Variants in LRRFIP1 observed in about 807,000 individuals in gnomAD.
The protein encoded by LRRFIP1 is leucine-rich repeat flightless-interacting protein 1.
A neutral mutation model predicts 104.4 loss-of-function variants in LRRFIP1; 62 were observed. The ratio of observed to expected loss-of-function variants is 0.59; its 90% CI spans 0.48 to 0.73. The LOEUF (loss-of-function observed/expected upper bound fraction) is 0.73, where lower values mean the gene tolerates loss of function less well. LRRFIP1 is among the 30% of genes least tolerant of loss of function. The pLI is 0.00. For missense variants in LRRFIP1, 796 were observed against 824.5 expected, an observed-to-expected ratio of 0.97 and a Z score of 0.42; for synonymous variants, 300 against 299.0, an observed-to-expected ratio of 1.00 and a Z score of -0.03.
At position 237,663,673 on chromosome 2, in the gene LRRFIP1, C is replaced by CT. The variant is rs568342272; in HGVS notation, c.96+35934dup. On this transcript the variant is annotated intron_variant, in intron 1 of 23. Transcript: ENST00000308482. ...GGCACATGGAATGACTTCCGGGCCT[C>CT]TGACAGGGTGCTTGGGGAGGATGGT... Among the ~76,000 whole-genome samples, 49 of 152,380 alleles carry CT rather than the reference C, an allele frequency of 3.2e-4. 1 individual carries two copies. Among genetic ancestry groups the CT allele is most frequent in the African/African-American group, 1.2e-3 (48 of 41,594 alleles).
At chr2:237,765,906 A>AC in intron 19 of LRRFIP1, 1 of 985,134 alleles carries the variant, frequency 1.0e-6, no homozygotes, top group Middle Eastern at 5.2e-4. Flanking sequence ...AACATTTTAT[A>AC]ATTGTGCAAG....
chr2:237,744,493 CATCGTGTG>C (rs1447485845), intron 11 of LRRFIP1, among the ~76,000 whole-genome samples: 6 of 152,184 alleles, frequency 3.9e-5, no homozygotes, highest in African/African-American at 1.2e-4. Context: ...CCTCACCAGG[CATCGTGTG>C]TACAGGAGCC....
chr2:237,681,675 A>ATTTTTTTTTTTTTTTT (rs1359912875), intron 1 of LRRFIP1, among the ~76,000 whole-genome samples: 13 of 54,608 alleles, frequency 2.4e-4, no homozygotes, highest in Admixed American at 7.1e-4. Flanking sequence ...CCGCAGTCCT[A>ATTTTTTTTTTTTTTTT]TTCTTTTTTT....
At chr2:237,757,377 G>A in intron 16 of LRRFIP1, 79 bp from the exon 17 acceptor site, 1 of 881,384 alleles carries the variant, frequency 1.1e-6, no homozygotes, top group Non-Finnish European at 1.8e-6. Flanking sequence ...CACTGTCCCA[G>A]CTCTCAGGTT....
intron 11 of LRRFIP1, 141 bp from the exon 12 acceptor site, chr2:237,748,223 G>A: frequency 1.4e-6 from 1 of 701,806 alleles, no homozygotes; most frequent in Non-Finnish European, 2.5e-6. Context: ...AGCTAAATTT[G>A]GAGTGTCCCA....
intron 1 of LRRFIP1, among the ~76,000 whole-genome samples, chr2:237,678,968 G>A (rs1315738610): frequency 6.6e-6 from 1 of 152,176 alleles, no homozygotes; most frequent in Non-Finnish European, 1.5e-5. Context: ...TTTTACAGAT[G>A]AGGAAACTGA....
intron 7 of LRRFIP1, 114 bp from the exon 8 acceptor site, chr2:237,727,762 A>G (rs1373502869): frequency 2.7e-6 from 2 of 738,042 alleles, no homozygotes; most frequent in Non-Finnish European, 4.7e-6. Flanking sequence ...CTGGTCATTC[A>G]TCCGCTCCAC....
rs527651527 is a variant in LRRFIP1, at chr2:237,747,082, C to T, written c.634-1282C>T. Among the ~76,000 whole-genome samples the T allele has an allele frequency of 5.3e-5, 8 of 152,316 alleles. No individual in the cohort carries two copies. The East Asian group carries it at 1.3e-3, about 26-fold the overall frequency. On this transcript the variant is annotated intron_variant, in intron 11 of 23. Transcript: ENST00000308482. Reference sequence around the variant, plus strand: ...GTGGCTGGGCGAGACCATCTGATGGCTTTGGGAGCCAGGCCGCAGGGTTTA... The same window carrying T: ...GTGGCTGGGCGAGACCATCTGATGGTTTTGGGAGCCAGGCCGCAGGGTTTA...
intron 19 of LRRFIP1, chr2:237,762,570 G>A (rs762705730): frequency 6.5e-7 from 1 of 1,529,536 alleles, no homozygotes; most frequent in Non-Finnish European, 8.9e-7. Flanking sequence ...GCCACATCAT[G>A]GGGTCCCTTC....
intron 23 of LRRFIP1, among the ~76,000 whole-genome samples, chr2:237,778,654 C>T (rs1438497552): frequency 2.6e-5 from 4 of 152,226 alleles, no homozygotes; most frequent in East Asian, 1.9e-4. Context: ...GTGTGGCTCA[C>T]GCCTGTAATC....
intron 1 of LRRFIP1, among the ~76,000 whole-genome samples, chr2:237,682,294 G>T (rs79721705): frequency 6.6e-6 from 1 of 152,056 alleles, no homozygotes; most frequent in East Asian, 1.9e-4. Flanking sequence ...TTCATGCCAG[G>T]CTCAGGTCCC....
rs2085577935 is a variant in LRRFIP1, at chr2:237,649,661, G to A, written c.96+21921G>A. Among the ~76,000 whole-genome samples, 1 of 151,988 alleles carries A rather than the reference G, an allele frequency of 6.6e-6. No individual in the cohort carries two copies. The highest frequency in any genetic ancestry group is 2.1e-4 in the South Asian group (1 of 4,824). On this transcript the variant is annotated intron_variant, in intron 1 of 23. Transcript: ENST00000308482. The surrounding 1 kb of genome is among the most constrained non-coding windows in gnomAD (Gnocchi z 4.1). ...TTCCCGGTTGCTGTCCATGCAGACT[G>A]TGAGGGATGTTCACATGTCACATTT...
chr2:237,641,889 G>GA (rs1187267031), intron 1 of LRRFIP1, among the ~76,000 whole-genome samples: 1 of 152,158 alleles, frequency 6.6e-6, no homozygotes, highest in Non-Finnish European at 1.5e-5. Context: ...GACTTCCAGG[G>GA]CGTCGTCTTA....
chr2:237,634,466 C>G (rs143877268), intron 1 of LRRFIP1, among the ~76,000 whole-genome samples: 2,318 of 152,286 alleles, frequency 0.015, 25 homozygotes, highest in Non-Finnish European at 0.021. Context: ...CTGATTCTGT[C>G]CCTTATACCA....
Position 237,699,507 on chromosome 2 carries a change from C to A in LRRFIP1, c.97-9037C>A, listed in dbSNP as rs79742330. On this transcript the variant is annotated intron_variant, in intron 1 of 23. Transcript: ENST00000308482. The stretch of plus-strand genomic sequence containing the variant: ...AGCTGGGATTATAGGCATGCGCCAC[C>A]ATGCCCGGCTAATTTTGTATTTTTA... Among the ~76,000 whole-genome samples, 1,483 of 152,134 alleles carry A rather than the reference C, an allele frequency of 9.7e-3. 71 individuals carry two copies. The East Asian group carries it at 0.098, about 10-fold the overall frequency.
At chr2:237,700,047 G>A (rs2093429191) in intron 1 of LRRFIP1, among the ~76,000 whole-genome samples, 1 of 152,222 alleles carries the variant, frequency 6.6e-6, no homozygotes, top group Admixed American at 6.5e-5. Flanking sequence ...AGCCTCCCTT[G>A]CGTTGCGGAG....
chr2:237,735,124 A>G lies in LRRFIP1; in HGVS notation c.490-144A>G, dbSNP rs376676658. On this transcript the variant is annotated intron_variant, in intron 9 of 23. Coordinates refer to ENST00000308482, the MANE Select transcript of LRRFIP1 (RefSeq NM_001137550.2). This position sits in a 1 kb window ranked among gnomAD's most constrained non-coding sequence, Gnocchi z 4.6. ...TCTGCAACCCTTTGAAGAGCTGGAAAGGTGGTTCTCAGCCTCCCCTGCATG... is the reference window on the plus strand; with the variant it reads ...TCTGCAACCCTTTGAAGAGCTGGAAGGGTGGTTCTCAGCCTCCCCTGCATG... The G allele has an allele frequency of 4.8e-6, 3 of 620,284 alleles. No individual in the cohort carries two copies. The highest frequency in any genetic ancestry group is 2.8e-5 in the East Asian group (1 of 35,620). The allele number at this position is 620,284 out of a possible 1,614,324, so 38.4% of individuals were successfully genotyped here. A position where few individuals can be genotyped will look rare whatever the true frequency, so the allele number is the denominator to read the frequency against.
chr2:237,645,131 T>C (rs1445066010), intron 1 of LRRFIP1, among the ~76,000 whole-genome samples: 1 of 152,216 alleles, frequency 6.6e-6, no homozygotes, highest in Non-Finnish European at 1.5e-5. Flanking sequence ...AAAGAATTAG[T>C]GGGCCTGAGG....
chr2:237,758,928 G>A, intron 18 of LRRFIP1, 107 bp downstream of exon 18: 3 of 676,772 alleles, frequency 4.4e-6, no homozygotes, highest in Non-Finnish European at 7.5e-6. Flanking sequence ...TTCATTTTAT[G>A]TCATTTAGTT....
Sources: allele counts gnomAD v4.1 joint callset (sites outside exome capture counted in the v4.1 genomes callset), GRCh38; gene constraint gnomAD v4.1.1; non-coding constraint Gnocchi (gnomAD v3.1); transcripts MANE v1.5; gene names NCBI Gene and HGNC (gene_info 2026-07-23, HGNC 2026-07-21).